Variants in ARID1B observed in about 807,000 individuals in gnomAD.
The protein encoded by ARID1B is AT-rich interaction domain 1B, also known as AT-rich interactive domain-containing protein 1B.
A neutral mutation model predicts 212.3 loss-of-function variants in ARID1B; 30 were observed. That is an observed-to-expected ratio of 0.14 (90% CI 0.11 to 0.19). The LOEUF is 0.19. Among genes scored for constraint, ARID1B ranks in the 10% least tolerant of loss-of-function variants. The pLI, the probability that ARID1B is intolerant of heterozygous loss-of-function variation, is 1.00. For missense variants in ARID1B, 2,891 were observed against 3,204.0 expected (o/e 0.90, Z 2.36); for synonymous variants, 1,402 against 1,301.7 (o/e 1.08, Z -1.66).
chr6:157,166,323 C>T (rs1791322955), intron 8 of ARID1B: 1 of 152,218 alleles, frequency 6.6e-6, no homozygotes, highest in Non-Finnish European at 1.5e-5. Context: ...ACTAACAAGA[C>T]TAAGTCACCA....
chr6:157,054,223 C>CA (rs71645383), intron 4 of ARID1B, among the ~76,000 whole-genome samples: 4,352 of 144,784 alleles, frequency 0.03, 246 homozygotes, highest in African/African-American at 0.1. Context: ...GACTCTGTCT[C>CA]AAAAAAAAGA....
chr6:156,913,176 G>A (rs182780172), intron 3 of ARID1B, among the ~76,000 whole-genome samples: 79 of 148,342 alleles, frequency 5.3e-4, no homozygotes, highest in African/African-American at 1.7e-3. Context: ...TACCATTTTC[G>A]TGGTAGGAAC....
chr6:156,812,976 G>GTGTGTA (rs554173642), intron 1 of ARID1B, among the ~76,000 whole-genome samples: 2,451 of 104,230 alleles, frequency 0.024, 53 homozygotes, highest in South Asian at 0.039. Flanking sequence ...GTGTGTGTGT[G>GTGTGTA]TATGTATATA....
Position 157,203,517 on chromosome 6 carries a change from C to T in ARID1B, c.5264-349C>T. 5.0e-6 allele frequency: 1 copy of T among 201,764 alleles called. No homozygotes were observed. The highest frequency in any genetic ancestry group is 1.1e-4 in the South Asian group (1 of 9,440). 12.5% of individuals were successfully genotyped at this position (201,764 alleles called of 1,614,324 possible). ...AGACAAATACCACTTTTGGGTTTGA[C>T]TCATTTATTAAAAGCTCTGATACCA... On this transcript the variant is annotated intron_variant, in intron 18 of 19. Transcript: ENST00000636930. The surrounding 1 kb of genome is among the most constrained non-coding windows in gnomAD (Gnocchi z 4.4).
chr6:156,897,525 T>G (rs1788579207), intron 2 of ARID1B, among the ~76,000 whole-genome samples: 1 of 151,902 alleles, frequency 6.6e-6, no homozygotes, highest in African/African-American at 2.4e-5. Flanking sequence ...CTGCCTACCT[T>G]GGCCTCCCAA....
intron 2 of ARID1B, among the ~76,000 whole-genome samples, chr6:156,852,314 G>T (rs1340753552): frequency 1.3e-5 from 2 of 152,020 alleles, no homozygotes; most frequent in Non-Finnish European, 2.9e-5. Flanking sequence ...GCAGGGCGTG[G>T]TGATGTGCAC....
At chr6:156,978,789 A>G (rs1777421606) in intron 4 of ARID1B, among the ~76,000 whole-genome samples, 1 of 152,212 alleles carries the variant, frequency 6.6e-6, no homozygotes, top group Non-Finnish European at 1.5e-5. Context: ...CATAAACTTT[A>G]CTTTCCAGTA....
intron 2 of ARID1B, among the ~76,000 whole-genome samples, chr6:156,851,269 A>G (rs1313879833): frequency 4.6e-5 from 7 of 152,106 alleles, no homozygotes; most frequent in Admixed American, 2.0e-4. Context: ...AAGATACCCT[A>G]TTTGTTCTCC....
At chr6:157,015,079 T>G (rs1190919325) in intron 4 of ARID1B, among the ~76,000 whole-genome samples, 3 of 152,226 alleles carry the variant, frequency 2.0e-5, no homozygotes, top group Non-Finnish European at 4.4e-5. Flanking sequence ...TCCAGCATTT[T>G]TCACACAATG....
intron 2 of ARID1B, among the ~76,000 whole-genome samples, chr6:156,832,938 T>C (rs1233429923): frequency 6.6e-6 from 1 of 152,200 alleles, no homozygotes; most frequent in African/African-American, 2.4e-5. Context: ...AGATTTGTGG[T>C]CTTTCACTTG....
chr6:156,896,008 A>G (rs1012905200), intron 2 of ARID1B, among the ~76,000 whole-genome samples: 2 of 152,216 alleles, frequency 1.3e-5, no homozygotes, highest in African/African-American at 2.4e-5. Context: ...TAAACTCAAC[A>G]TTGTAGTTTT....
At chr6:156,910,593 T>C (rs755228902) in intron 3 of ARID1B, among the ~76,000 whole-genome samples, 1 of 152,234 alleles carries the variant, frequency 6.6e-6, no homozygotes, top group African/African-American at 2.4e-5. Context: ...GTGTTCTTCA[T>C]GTTACTCACA....
intron 4 of ARID1B, among the ~76,000 whole-genome samples, chr6:157,077,764 C>CA: frequency 6.6e-6 from 1 of 152,292 alleles, no homozygotes; most frequent in Middle Eastern, 3.4e-3. Context: ...GAAGGACATT[C>CA]AAGTGTACAA....
chr6:156,921,572 T>C (rs193134682), intron 3 of ARID1B, among the ~76,000 whole-genome samples: 98 of 152,252 alleles, frequency 6.4e-4, no homozygotes, highest in Admixed American at 1.1e-3. Context: ...CTGTCTACTT[T>C]CGTAGAAGAT....
chr6:157,202,378 T>C (rs1794168735), intron 18 of ARID1B, among the ~76,000 whole-genome samples: 1 of 152,188 alleles, frequency 6.6e-6, no homozygotes, highest in South Asian at 2.1e-4. Flanking sequence ...TTTTCAGTGA[T>C]TAGAAAATTA....
chr6:157,031,953 C>G (rs1781041359), intron 4 of ARID1B, among the ~76,000 whole-genome samples: 1 of 152,270 alleles, frequency 6.6e-6, no homozygotes, highest in African/African-American at 2.4e-5. Flanking sequence ...TGCGCCACCA[C>G]GCTCAGCTAA....
chr6:156,989,662 A>C (rs1395855622), intron 4 of ARID1B, among the ~76,000 whole-genome samples: 3 of 152,132 alleles, frequency 2.0e-5, no homozygotes, highest in South Asian at 2.1e-4. Context: ...ATGATAATCT[A>C]CCCCACAGGC....
chr6:157,125,875 A>G (rs1001844927), intron 6 of ARID1B, among the ~76,000 whole-genome samples: 6 of 152,258 alleles, frequency 3.9e-5, no homozygotes, highest in Admixed American at 6.5e-5. Flanking sequence ...TTCTTGTCTC[A>G]TATAAAGTTA....
chr6:157,018,212 CTTTTTTTTTTT>C (rs1208883079), intron 4 of ARID1B, among the ~76,000 whole-genome samples: 3 of 72,458 alleles, frequency 4.1e-5, no homozygotes, highest in African/African-American at 1.3e-4. Flanking sequence ...AAGTAGTATG[CTTTTTTTTTTT>C]TTTTTTTTTT....
Sources: allele counts gnomAD v4.1 joint callset (sites outside exome capture counted in the v4.1 genomes callset), GRCh38; gene constraint gnomAD v4.1.1; non-coding constraint Gnocchi (gnomAD v3.1); transcripts MANE v1.5; gene names NCBI Gene and HGNC (gene_info 2026-07-23, HGNC 2026-07-21).